PM20D2: variants seen among roughly 807,000 people sequenced by gnomAD.
PM20D2 encodes peptidase M20 domain containing 2, also known as xaa-Arg dipeptidase.
PM20D2 carries 33 observed loss-of-function variants against 42.9 expected under a neutral mutation model. That is an observed-to-expected ratio of 0.77 (90% CI 0.58 to 1.03). The LOEUF (loss-of-function observed/expected upper bound fraction) is 1.03. Among genes scored for constraint, PM20D2 ranks in the 50% least tolerant of loss-of-function variants. PM20D2 has a pLI of 0.00. For synonymous variants in PM20D2, 250 were observed against 228.2 expected (o/e 1.10, Z -0.86); for missense variants, 548 against 557.0 (o/e 0.98, Z 0.16).
At chr6:89,161,056 G>T (rs138708536) in intron 5 of PM20D2, among the ~76,000 whole-genome samples, 81 of 152,322 alleles carry the variant, frequency 5.3e-4, no homozygotes, top group Admixed American at 1.9e-3. Context: ...TCAGGCAAGA[G>T]ATAATGATAG....
the PM20D2 span, among the ~76,000 whole-genome samples, chr6:89,111,733 C>A: frequency 6.6e-6 from 1 of 152,064 alleles, no homozygotes. Context: ...AAAGCATTGT[C>A]TTTCATCATT....
chr6:89,155,015 A>G, intron 4 of PM20D2, 113 bp downstream of exon 4: 1 of 953,334 alleles, frequency 1.0e-6, no homozygotes, highest in Admixed American at 3.5e-5. Flanking sequence ...TTGAATATGC[A>G]AAATGAATTG....
chr6:89,098,595 G>A, the PM20D2 span: 1 of 1,611,032 alleles, frequency 6.2e-7, no homozygotes, highest in East Asian at 2.2e-5. Flanking sequence ...CTGTTTTTAT[G>A]ACGATAACTT....
chr6:89,108,322 C>T, the PM20D2 span, among the ~76,000 whole-genome samples: 1,232 of 152,262 alleles, frequency 8.1e-3, 10 homozygotes, highest in Non-Finnish European at 0.013. Context: ...CTTACAATTT[C>T]CCTGTGGTTA....
At chr6:89,145,186 GTT>G (rs1176815698), upstream of PM20D2, among the ~76,000 whole-genome samples, 3 of 152,164 alleles carry the variant, frequency 2.0e-5, no homozygotes, top group Non-Finnish European at 1.5e-5. Context: ...GTCAACAACA[GTT>G]TTTCAGACTT....
chr6:89,117,978 C>G, the PM20D2 span: 129 of 1,380,478 alleles, frequency 9.3e-5, no homozygotes, highest in Non-Finnish European at 1.2e-4. Context: ...GGAGCTCCGC[C>G]GGCCCCCGGC....
chr6:89,160,359 A>C (rs987727177), intron 5 of PM20D2, among the ~76,000 whole-genome samples: 1 of 152,186 alleles, frequency 6.6e-6, no homozygotes, highest in African/African-American at 2.4e-5. Flanking sequence ...TTAAAATGGA[A>C]ACTGTTCTAA....
chr6:89,161,944 A>G (rs1771254509), intron 6 of PM20D2, 54 bp downstream of exon 6: 1 of 1,516,172 alleles, frequency 6.6e-7, no homozygotes, highest in African/African-American at 1.4e-5. Flanking sequence ...TTCTGGTAGT[A>G]GCTGCCTTTC....
At chr6:89,124,028 T>G in the PM20D2 span, among the ~76,000 whole-genome samples, 1 of 152,112 alleles carries the variant, frequency 6.6e-6, no homozygotes, top group Non-Finnish European at 1.5e-5. Context: ...TAAAGCAAGA[T>G]CATGTCTCAA....
chr6:89,101,122 A>G, the PM20D2 span, among the ~76,000 whole-genome samples: 1 of 151,804 alleles, frequency 6.6e-6, no homozygotes, highest in Non-Finnish European at 1.5e-5. Context: ...AAAAAAAAAA[A>G]AAAGAAAAGA....
chr6:89,130,372 T>C, the PM20D2 span, among the ~76,000 whole-genome samples: 1 of 151,814 alleles, frequency 6.6e-6, no homozygotes. Flanking sequence ...GTGCTGGGGT[T>C]ATAGGTGTAA....
chr6:89,096,238 G>A, the PM20D2 span: 1 of 152,192 alleles, frequency 6.6e-6, no homozygotes, highest in African/African-American at 2.4e-5. Context: ...CATAGGAACA[G>A]CAGTCAGGAA....
In PM20D2 at chr6:89,146,441, G is replaced by A. The variant is rs747131173; in HGVS notation, c.297G>A (p.Pro99=). The change falls in exon 1 of 7, where the codon CCG becomes CCA. Residue 99 remains proline (P), a synonymous_variant. Coordinates refer to ENST00000275072, the MANE Select transcript of PM20D2 (RefSeq NM_001010853.3). ...GGGAGCCGCCGGAGGCCCGGGCACC[G>A]AGCGCCACGCCACGCCCGCTGCACC... is the stretch of plus-strand genomic sequence containing the variant. ...AEWEPPEARA[P]SATPRPLHLG... 3.2e-5 allele frequency: 48 copies of A among 1,523,028 alleles called. No individual in the cohort carries two copies. The South Asian group carries it at 5.0e-4, about 16-fold the overall frequency. 94.3% of individuals were successfully genotyped at this position (1,523,028 alleles called of 1,614,324 possible).
At chr6:89,147,908 G>A (rs1181975762) in intron 1 of PM20D2, among the ~76,000 whole-genome samples, 1 of 150,840 alleles carries the variant, frequency 6.6e-6, no homozygotes, top group Non-Finnish European at 1.5e-5. Context: ...AAAAAAGAGC[G>A]GCGGCTTCAT....
intron 5 of PM20D2, among the ~76,000 whole-genome samples, chr6:89,160,110 C>T (rs1771186353): frequency 6.6e-6 from 1 of 152,100 alleles, no homozygotes; most frequent in African/African-American, 2.4e-5. Context: ...TCTTTAGACT[C>T]TTTAAACACT....
chr6:89,109,841 C>T, the PM20D2 span, among the ~76,000 whole-genome samples: 1 of 152,320 alleles, frequency 6.6e-6, no homozygotes, highest in African/African-American at 2.4e-5. Flanking sequence ...CTTGTAATCC[C>T]AGCACTTTGG....
rs1770527210 is a variant in PM20D2, at chr6:89,146,084, G to A, written c.-61G>A. The A allele has an allele frequency of 3.7e-6, 5 of 1,343,250 alleles. No individual in the cohort carries two copies. The highest frequency in any genetic ancestry group is 3.1e-5 in the African/African-American group (2 of 65,078). 83.2% of individuals were successfully genotyped at this position (1,343,250 alleles called of 1,614,324 possible). ...AGGCCTCTGGGCGCGTGCGCGGGCGGTCGCTACCTGCGGCCGAGCCAGGGA... is the reference window on the plus strand; with the variant it reads ...AGGCCTCTGGGCGCGTGCGCGGGCGATCGCTACCTGCGGCCGAGCCAGGGA... On this transcript the variant is annotated 5_prime_UTR_variant, in exon 1 of 7. Transcript: ENST00000275072.
the PM20D2 span, among the ~76,000 whole-genome samples, chr6:89,119,663 G>T: frequency 3.9e-5 from 6 of 152,128 alleles, no homozygotes; most frequent in Non-Finnish European, 7.4e-5. Flanking sequence ...CCAGGTGTCC[G>T]CAGGGCCATC....
chr6:89,101,941 T>C, the PM20D2 span, among the ~76,000 whole-genome samples: 1 of 151,494 alleles, frequency 6.6e-6, no homozygotes, highest in Non-Finnish European at 1.5e-5. Context: ...TAATTCACTA[T>C]CAGCAGATGT....
Sources: allele counts gnomAD v4.1 joint callset (sites outside exome capture counted in the v4.1 genomes callset), GRCh38; gene constraint gnomAD v4.1.1; transcripts MANE v1.5; gene names NCBI Gene and HGNC (gene_info 2026-07-23, HGNC 2026-07-21).